ANKRD26: variants seen among roughly 807,000 people sequenced by gnomAD.
The protein encoded by ANKRD26 is ankyrin repeat domain 26.
ANKRD26 carries 141 observed loss-of-function variants against 208.7 expected under a neutral mutation model. The ratio of observed to expected loss-of-function variants is 0.68; its 90% CI spans 0.59 to 0.78. The LOEUF is 0.78. ANKRD26 is among the 30% of genes least tolerant of loss of function. The pLI is 0.00. For missense variants in ANKRD26, 1,889 were observed against 1,938.7 expected (o/e 0.97, Z 0.48); for synonymous variants, 636 against 660.4 (o/e 0.96, Z 0.57).
intron 16 of ANKRD26, chr10:27,051,734 T>C (rs1178054378): frequency 1.0e-6 from 1 of 985,388 alleles, no homozygotes; most frequent in Non-Finnish European, 1.2e-6. Context: ...CCTGGAATAG[T>C]ACAGAGACAG....
chr10:26,986,710 C>G (rs2134645130), intron 3 of ANKRD26, among the ~76,000 whole-genome samples: 1 of 152,316 alleles, frequency 6.6e-6, no homozygotes, highest in South Asian at 2.1e-4. Flanking sequence ...CAGAGAAATG[C>G]AAATCAAAAC....
intron 7 of ANKRD26, among the ~76,000 whole-genome samples, chr10:27,078,427 A>G (rs898316497): frequency 3.3e-5 from 5 of 152,132 alleles, no homozygotes; most frequent in Non-Finnish European, 5.9e-5. Context: ...ATCATTTTTA[A>G]AAGATGAAAG....
chr10:27,005,053 C>T lies in ANKRD26; in HGVS notation c.*537G>A, dbSNP rs900393350. On this transcript the variant is annotated 3_prime_UTR_variant, in exon 34 of 34. Coordinates refer to ENST00000376087, the MANE Select transcript of ANKRD26 (RefSeq NM_014915.3). ...ATTTTCTCTAAACTGAAGGCTATTT[C>T]CAAAAGGTTAATTAAAAATAAATAA... The T allele has an allele frequency of 1.9e-5, 19 of 984,870 alleles. No individual in the cohort carries two copies. Among genetic ancestry groups the T allele is most frequent in the Non-Finnish European group, 2.3e-5 (19 of 829,626 alleles). The allele number at this position is 984,870 out of a possible 1,614,324, so 61.0% of individuals were successfully genotyped here.
chr10:26,962,329 C>A, the ANKRD26 span, among the ~76,000 whole-genome samples: 1 of 152,104 alleles, frequency 6.6e-6, no homozygotes, highest in Non-Finnish European at 1.5e-5. Flanking sequence ...AATTCCAGCA[C>A]GTTGGGAGGC....
chr10:27,074,608 G>T (rs558457853), intron 9 of ANKRD26, among the ~76,000 whole-genome samples: 3 of 152,108 alleles, frequency 2.0e-5, no homozygotes, highest in Admixed American at 1.3e-4. Flanking sequence ...TTGAACCCAG[G>T]GGGTGGAGGT....
chr10:27,039,973 GCA>G lies in ANKRD26; in HGVS notation c.2365_2366del (p.Cys789LeufsTer5). 1 of 1,613,080 alleles carries G rather than the reference GCA, an allele frequency of 6.2e-7. No homozygotes were observed. The highest frequency in any genetic ancestry group is 8.5e-7 in the Non-Finnish European group (1 of 1,179,442). On this transcript the variant is annotated frameshift_variant, in exon 21 of 34. Coordinates refer to ENST00000376087, the MANE Select transcript of ANKRD26 (RefSeq NM_014915.3). LOFTEE classifies it high-confidence loss of function. ...AAACTAGGCTATCATACCTCAAAGA[GCA>G]CAGTTCTCGTTCCCATTCAACTTTT... ...HQKVEWEREL[C>X]SLRFSLNQEE...
chr10:27,096,472 T>C (rs190222438), intron 1 of ANKRD26, among the ~76,000 whole-genome samples: 46 of 152,222 alleles, frequency 3.0e-4, no homozygotes, highest in African/African-American at 1.1e-3. Context: ...ACTTCAAAGA[T>C]ATCAACTCTG....
intron 6 of ANKRD26, among the ~76,000 whole-genome samples, chr10:27,082,013 GTT>G: frequency 7.1e-6 from 1 of 141,110 alleles, no homozygotes; most frequent in East Asian, 2.2e-4. Context: ...TGGGATTACA[GTT>G]GTGAGCCACC....
At chr10:27,053,192 C>T in intron 16 of ANKRD26, 128 bp downstream of exon 16, 1 of 666,774 alleles carries the variant, frequency 1.5e-6, no homozygotes, top group Non-Finnish European at 2.5e-6. Flanking sequence ...GTTTTTAATA[C>T]TAAATATTAA....
In ANKRD26 at chr10:27,048,349, T is replaced by C. The variant is rs186253943; in HGVS notation, c.1814+452A>G. On this transcript the variant is annotated intron_variant, in intron 17 of 33. Coordinates refer to ENST00000376087, the MANE Select transcript of ANKRD26 (RefSeq NM_014915.3). ...TACATTATTTAACATGTTATACATA[T>C]ATTATACATAGGCTTACTGTGTATT... Among the ~76,000 whole-genome samples the C allele has an allele frequency of 4.8e-4, 73 of 152,326 alleles. 1 individual carries two copies. In the East Asian group the frequency reaches 0.012, roughly 26 times the overall value.
chr10:27,048,627 T>A (rs1169208823), intron 17 of ANKRD26, among the ~76,000 whole-genome samples, 174 bp downstream of exon 17: 1 of 152,202 alleles, frequency 6.6e-6, no homozygotes, highest in East Asian at 1.9e-4. Context: ...TCAATATGAT[T>A]GAAAAAACTG....
chr10:27,037,829 A>G, intron 22 of ANKRD26, 42 bp downstream of exon 22: 1 of 1,452,826 alleles, frequency 6.9e-7, no homozygotes, highest in Non-Finnish European at 9.4e-7. Flanking sequence ...TAGTGATGAA[A>G]TAAAGTTAAA....
chr10:27,053,516 G>A, intron 15 of ANKRD26, 126 bp from the exon 16 acceptor site: 1 of 684,438 alleles, frequency 1.5e-6, no homozygotes, highest in East Asian at 3.0e-5. Context: ...TCTTCTATTT[G>A]TTTATGAGAC....
At chr10:27,092,583 T>C in intron 3 of ANKRD26, 71 bp from the exon 4 acceptor site, 1 of 1,142,660 alleles carries the variant, frequency 8.8e-7, no homozygotes, top group Admixed American at 1.9e-5. Context: ...AAACTCTATG[T>C]CAGATCCTTT....
At chr10:26,978,384 A>G (rs1318018868) in intron 5 of ANKRD26, among the ~76,000 whole-genome samples, 2 of 152,090 alleles carry the variant, frequency 1.3e-5, no homozygotes, top group Non-Finnish European at 2.9e-5. Context: ...TGAACCCGGG[A>G]GGCAGAGGTT....
intron 25 of ANKRD26, 36 bp from the exon 26 acceptor site, chr10:27,029,392 T>C: frequency 6.3e-7 from 1 of 1,582,242 alleles, no homozygotes; most frequent in Non-Finnish European, 8.6e-7. Flanking sequence ...ACTTTACTAA[T>C]AATCTAGTAC....
At chr10:27,091,984 TAA>T (rs3060811) in intron 4 of ANKRD26, among the ~76,000 whole-genome samples, 53 of 139,560 alleles carry the variant, frequency 3.8e-4, no homozygotes, top group Admixed American at 2.9e-4. Context: ...AGACTCCATG[TAA>T]AAAAAAAAAA....
the ANKRD26 span, among the ~76,000 whole-genome samples, chr10:26,965,496 G>C: frequency 6.6e-6 from 1 of 152,146 alleles, no homozygotes; most frequent in South Asian, 2.1e-4. Context: ...ATGGATTAAA[G>C]ACTTAAATGT....
intron 3 of ANKRD26, among the ~76,000 whole-genome samples, chr10:26,986,432 A>G (rs1244459159): frequency 1.3e-4 from 20 of 152,122 alleles, no homozygotes; most frequent in Admixed American, 2.6e-4. Context: ...GACAAATGGG[A>G]TCTAATTAAA....
Sources: gnomAD v4.1 joint callset for allele counts (sites outside exome capture counted in the v4.1 genomes callset) on GRCh38, gnomAD v4.1.1 for gene constraint, MANE v1.5 for transcripts, NCBI Gene and HGNC (gene_info 2026-07-23, HGNC 2026-07-21) for gene names.